Variants in MGAM observed in about 807,000 individuals in gnomAD.
MGAM encodes alpha-1,4-glucosidase.
A neutral mutation model predicts 358.8 loss-of-function variants in MGAM; 253 were observed. The observed-to-expected ratio is 0.71, with a 90% CI of 0.64 to 0.78. The LOEUF (loss-of-function observed/expected upper bound fraction) is 0.78, where lower values mean the gene tolerates loss of function less well. Ranked by LOEUF, MGAM falls within the 30% of genes least tolerant of loss-of-function variation. The pLI is 0.00. For synonymous variants in MGAM, 1,105 were observed against 1,227.1 expected, an observed-to-expected ratio of 0.90 and a Z score of 2.08; for missense variants, 3,080 against 3,432.6, an observed-to-expected ratio of 0.90 and a Z score of 2.57.
At chr7:141,988,739 C>T (rs553579667) in intron 2 of MGAM, among the ~76,000 whole-genome samples, 38 of 152,256 alleles carry the variant, frequency 2.5e-4, no homozygotes, top group African/African-American at 8.4e-4. Context: ...CTTGTGTGTG[C>T]ATGTGTTCTT....
chr7:142,062,539 G>A (rs1407697953), intron 34 of MGAM, 29 bp from the exon 35 acceptor site: 1 of 1,525,090 alleles, frequency 6.6e-7, no homozygotes, highest in African/African-American at 1.4e-5. Flanking sequence ...ATTTGTGTGG[G>A]ACAAAGAAAT....
rs1808898704 is a variant in MGAM at position 142,042,212 on chromosome 7, T to TC, written c.2498+1366_2498+1367insC. On this transcript the variant is annotated intron_variant, in intron 21 of 70. Coordinates refer to ENST00000475668, the MANE Select transcript of MGAM (RefSeq NM_001365693.1). ...TATATACATATAATATATAACATAT[T>TC]ATATATACATATAATATATAACATA... 1.4e-3 allele frequency among the ~76,000 whole-genome samples: 3 copies of TC among 2,158 alleles called. 1 individual carries two copies. The African/African-American group carries it at 0.017, about 13-fold the overall frequency. The allele number at this position is 2,158 out of a possible 152,430, so 1.4% of individuals were successfully genotyped here.
At chr7:142,009,848 G>A (rs1374339249) in intron 3 of MGAM, among the ~76,000 whole-genome samples, 13 of 152,112 alleles carry the variant, frequency 8.5e-5, no homozygotes, top group Non-Finnish European at 1.9e-4. Context: ...CCAGATTGTT[G>A]TTGAGAGCTG....
intron 2 of MGAM, among the ~76,000 whole-genome samples, chr7:141,987,354 C>G (rs376909248): frequency 6.6e-6 from 1 of 152,206 alleles, no homozygotes; most frequent in Non-Finnish European, 1.5e-5. Flanking sequence ...GACAAACAAG[C>G]ATTTTCAGTA....
In MGAM at chr7:142,086,639, A is replaced by G. The variant is rs111975692; in HGVS notation, c.6748-16A>G. 8,429 of 1,082,552 alleles carry G rather than the reference A, an allele frequency of 7.8e-3. 3,241 individuals are homozygous for G. The African/African-American group carries it at 0.17, about 22-fold the overall frequency. 67.1% of individuals were successfully genotyped at this position (1,082,552 alleles called of 1,614,324 possible). On this transcript the variant is annotated splice_polypyrimidine_tract_variant and intron_variant, in intron 56 of 70. Transcript: ENST00000475668. ...ATTGTCTAGTGCATCGCTACTGAAC[A>G]TGTTTCTCTCCATAGGTCTGGCCTG...
chr7:142,012,927 A>C (rs1805706865), intron 3 of MGAM, among the ~76,000 whole-genome samples: 1 of 152,132 alleles, frequency 6.6e-6, no homozygotes. Flanking sequence ...TCAGTGCTGC[A>C]AGAGACAGAG....
At chr7:142,099,042 C>T (rs1020944020) in intron 66 of MGAM, among the ~76,000 whole-genome samples, 20 of 152,108 alleles carry the variant, frequency 1.3e-4, no homozygotes, top group South Asian at 4.1e-4. Flanking sequence ...CATATTTGTT[C>T]GCTTGTTGTC....
intron 2 of MGAM, among the ~76,000 whole-genome samples, chr7:142,006,762 C>G (rs1362667982): frequency 6.6e-6 from 1 of 152,104 alleles, no homozygotes; most frequent in Non-Finnish European, 1.5e-5. Context: ...GTGTGCTCAA[C>G]TTTCATTTTT....
chr7:142,011,289 A>C (rs985398765), intron 3 of MGAM, among the ~76,000 whole-genome samples: 5 of 152,170 alleles, frequency 3.3e-5, no homozygotes, highest in Non-Finnish European at 7.3e-5. Flanking sequence ...ATCCTTTTCC[A>C]AATTCCAGTT....
intron 55 of MGAM, 68 bp downstream of exon 55, chr7:142,086,029 A>G: frequency 1.3e-6 from 2 of 1,524,344 alleles, no homozygotes; most frequent in South Asian, 1.2e-5. Flanking sequence ...AGAAAGTGTT[A>G]TACTTTATTT....
intron 68 of MGAM, among the ~76,000 whole-genome samples, chr7:142,101,501 T>G (rs1483708601): frequency 2.6e-5 from 4 of 151,550 alleles, no homozygotes; most frequent in Non-Finnish European, 2.9e-5. Flanking sequence ...TTATTCAATC[T>G]TAACAAGCTT....
Position 142,019,319 on chromosome 7 carries a change from G to C in MGAM, c.448G>C (p.Gly150Arg), listed in dbSNP as rs782771834. Reference sequence around the variant, plus strand: ...GGGCAACCTTGTCAACACAAATGCAGGTAAGCCAGAGTCTGCCATGATGCA... The same window carrying C: ...GGGCAACCTTGTCAACACAAATGCACGTAAGCCAGAGTCTGCCATGATGCA... ...VEGNLVNTNA[G>R]FTARLKNLPS... The change falls in exon 4 of 71, where the codon GGA becomes CGA. Residue 150 changes from glycine to arginine, a missense_variant and splice_region_variant. Physicochemically the swap from Gly to Arg is moderately radical, Grantham distance 125 (BLOSUM62 -2). Coordinates refer to ENST00000475668, the MANE Select transcript of MGAM (RefSeq NM_001365693.1). 9.9e-6 allele frequency: 16 copies of C among 1,612,198 alleles called. No homozygotes were observed. Among genetic ancestry groups the C allele is most frequent in the Admixed American group, 5.0e-5 (3 of 59,984 alleles).
chr7:142,054,617 T>C, intron 26 of MGAM, 137 bp from the exon 27 acceptor site: 1 of 992,734 alleles, frequency 1.0e-6, no homozygotes, highest in South Asian at 1.8e-5. Context: ...ATCTGATATA[T>C]TAATTAAATC....
chr7:142,077,512 A>G (rs1266028839), intron 47 of MGAM, among the ~76,000 whole-genome samples: 3 of 145,974 alleles, frequency 2.1e-5, no homozygotes, highest in African/African-American at 7.3e-5. Context: ...AGAAAAATAT[A>G]TGGAAAATAT....
chr7:142,064,871 C>T (rs954879884), intron 37 of MGAM, among the ~76,000 whole-genome samples: 1 of 151,866 alleles, frequency 6.6e-6, no homozygotes, highest in African/African-American at 2.4e-5. Context: ...GGCATCTCTC[C>T]CGTTCATTTC....
chr7:142,031,684 G>A lies in MGAM; in HGVS notation c.1475G>A (p.Trp492Ter). The A allele has an allele frequency of 6.2e-7, 1 of 1,606,630 alleles. No homozygotes were observed. The highest frequency in any genetic ancestry group is 8.5e-7 in the Non-Finnish European group (1 of 1,173,650). The part of the protein sequence containing the change: ...DGVTPLIGEV[W>*]PGQTVFPDYT... Reference sequence around the variant, plus strand: ...GTTTTTCTTTTTCTCCTGAAGGTCTGGCCTGGACAAACTGTGTTTCCTGAT... The same window carrying A: ...GTTTTTCTTTTTCTCCTGAAGGTCTAGCCTGGACAAACTGTGTTTCCTGAT... Residue 492 changes from tryptophan (W) to a stop codon, truncating the protein, a stop_gained, in exon 13 of 71, where the codon TGG (tryptophan) becomes TAG (stop). Transcript: ENST00000475668. LOFTEE classifies it high-confidence loss of function.
At position 142,065,441 on chromosome 7, in the gene MGAM, T is replaced by A; in HGVS notation, c.4591T>A (p.Trp1531Arg). 1 of 1,610,588 alleles carries A rather than the reference T, an allele frequency of 6.2e-7. No individual in the cohort carries two copies. Among genetic ancestry groups the A allele is most frequent in the Non-Finnish European group, 8.5e-7 (1 of 1,178,290 alleles). The change falls in exon 38 of 71, where the codon TGG becomes AGG. Residue 1531 changes from tryptophan to arginine, a missense_variant. This residue lies in a region of MGAM where 134 missense variants were observed against 198.4 expected (regional missense o/e 0.68). Coordinates refer to ENST00000475668, the MANE Select transcript of MGAM (RefSeq NM_001365693.1). ...GHWLGDNTAA[W>R]DQLKKSIIGM... is the part of the protein sequence containing the mutation. ...TTGGCTGGGAGACAACACGGCCGCA[T>A]GGGATCAGCTGAAGAAGTCTATCAT...
Position 142,052,797 on chromosome 7 carries a change from C to T in MGAM, c.2972C>T (p.Ser991Phe). Residue 991 changes from serine to phenylalanine, a missense_variant, in exon 26 of 71, where the codon TCT becomes TTT. Around this residue, in one of 5 missense-constraint regions of MGAM, gnomAD observed 1,816 missense variants for 1,840.5 expected, o/e 0.99. Transcript: ENST00000475668. ...CTTACTTTTCAGGCATCCAATTCTT[C>T]TGGAGTCCCTTTTTGCTATTTTGTC... ...RGCIWEASNS[S>F]GVPFCYFVND... is the part of the protein sequence containing the mutation. 6.2e-7 allele frequency: 1 copy of T among 1,613,850 alleles called. No individual in the cohort carries two copies. The highest frequency in any genetic ancestry group is 1.7e-5 in the Admixed American group (1 of 60,012).
intron 2 of MGAM, among the ~76,000 whole-genome samples, chr7:142,006,978 G>C (rs1403006757): frequency 3.9e-5 from 6 of 152,052 alleles, no homozygotes; most frequent in Non-Finnish European, 8.8e-5. Flanking sequence ...GTAAACTGCT[G>C]ATTTCTTTGG....
Sources: allele counts gnomAD v4.1 joint callset (sites outside exome capture counted in the v4.1 genomes callset), GRCh38; gene constraint gnomAD v4.1.1; regional missense constraint gnomAD v4.1.1; transcripts MANE v1.5; gene names NCBI Gene and HGNC (gene_info 2026-07-23, HGNC 2026-07-21).